The following TNRC6B variants were observed in gnomAD, a reference collection of about 807,000 sequenced individuals.
TNRC6B encodes trinucleotide repeat containing adaptor 6B, also known as trinucleotide repeat-containing gene 6B protein.
In TNRC6B, 52 loss-of-function variants were observed where a neutral mutation model predicts 203.6. The observed-to-expected ratio is 0.26, with a 90% CI of 0.20 to 0.32. The LOEUF (loss-of-function observed/expected upper bound fraction) is 0.32, where lower values mean the gene tolerates loss of function less well. Among genes scored for constraint, TNRC6B ranks in the 10% least tolerant of loss-of-function variants. The probability of loss-of-function intolerance (pLI) is 1.00; values close to 1 mark genes in which losing one functional copy is unlikely to be tolerated. For missense variants in TNRC6B, 1,923 were observed against 2,286.2 expected (o/e 0.84, Z 3.24); for synonymous variants, 838 against 845.7 (o/e 0.99, Z 0.16).
rs116624344 is a variant in TNRC6B at position 40,101,856 on chromosome 22, C to T, written c.-120-15199C>T. The stretch of plus-strand genomic sequence containing the variant: ...AATAAAATACAGCTGACAATTGACA[C>T]CCAACCGGTGTCGCTTCTCTGGTTT... On this transcript the variant is annotated intron_variant, in intron 1 of 23. Coordinates refer to the TNRC6B transcript ENST00000301923. 5.1e-3 allele frequency among the ~76,000 whole-genome samples: 775 copies of T among 152,274 alleles called. 7 individuals carry two copies. Among genetic ancestry groups the T allele is most frequent in the Middle Eastern group, 0.024 (7 of 294 alleles).
chr22:40,194,250 C>T (rs2069309120), intron 1 of TNRC6B, among the ~76,000 whole-genome samples: 1 of 152,134 alleles, frequency 6.6e-6, no homozygotes, highest in South Asian at 2.1e-4. Flanking sequence ...TGGGGTAAAC[C>T]CCGGGCAGAG....
intron 1 of TNRC6B, among the ~76,000 whole-genome samples, chr22:40,228,668 C>T (rs780747928): frequency 2.0e-5 from 3 of 151,010 alleles, no homozygotes; most frequent in East Asian, 4.0e-4. Flanking sequence ...TACAGGAGCC[C>T]GCCACCATGC....
chr22:40,157,922 C>T (rs185643688), intron 4 of TNRC6B, among the ~76,000 whole-genome samples: 1 of 152,308 alleles, frequency 6.6e-6, no homozygotes, highest in East Asian at 1.9e-4. Flanking sequence ...GCTTGAAATG[C>T]AATTTAGATT....
chr22:40,278,722 G>A (rs2070686079), intron 9 of TNRC6B, among the ~76,000 whole-genome samples: 1 of 152,036 alleles, frequency 6.6e-6, no homozygotes, highest in Non-Finnish European at 1.5e-5. Flanking sequence ...GATATATACT[G>A]GCATTATGAT....
chr22:40,266,762 C>G lies in TNRC6B; in HGVS notation c.2532C>G (p.Pro844=), dbSNP rs1199779366. The G allele has an allele frequency of 6.2e-7, 1 of 1,613,550 alleles. No individual in the cohort carries two copies. The highest frequency in any genetic ancestry group is 1.7e-5 in the Admixed American group (1 of 59,958). ...PEASGSWGGP[P]PPPPGNVRPS... is the part of the protein sequence containing the mutation. ...CTTCTGGTTCGTGGGGAGGCCCACCCCCACCACCTCCAGGCAACGTTCGAC... is the reference window on the plus strand; with the variant it reads ...CTTCTGGTTCGTGGGGAGGCCCACCGCCACCACCTCCAGGCAACGTTCGAC... The change falls in exon 5 of 23, where the codon CCC becomes CCG. Residue 844 remains proline (P), a synonymous_variant. Coordinates refer to ENST00000454349, the MANE Select transcript of TNRC6B (RefSeq NM_001162501.2).
chr22:40,111,217 C>T (rs1220601773), intron 1 of TNRC6B, among the ~76,000 whole-genome samples: 2 of 152,190 alleles, frequency 1.3e-5, no homozygotes, highest in African/African-American at 4.8e-5. Context: ...TTCAACGGCA[C>T]GCGAAACCAC....
intron 22 of TNRC6B, chr22:40,321,544 T>A (rs2071334281): frequency 4.1e-6 from 1 of 241,644 alleles, no homozygotes; most frequent in Non-Finnish European, 8.3e-6. Flanking sequence ...TCCCAGCACT[T>A]TGGGAGGCCA....
At chr22:40,115,575 A>C (rs566660377) in intron 1 of TNRC6B, among the ~76,000 whole-genome samples, 3 of 152,248 alleles carry the variant, frequency 2.0e-5, no homozygotes, top group Non-Finnish European at 4.4e-5. Flanking sequence ...ACCAAATTCA[A>C]AGGTGTGTCA....
At chr22:40,172,804 T>C (rs1406569520) in intron 4 of TNRC6B, among the ~76,000 whole-genome samples, 1 of 152,228 alleles carries the variant, frequency 6.6e-6, no homozygotes, top group Admixed American at 6.5e-5. Flanking sequence ...GGCTTGCTGT[T>C]GTCTTAGTGG....
intron 3 of TNRC6B, among the ~76,000 whole-genome samples, chr22:40,141,760 TTTTTG>T (rs1254026621): frequency 1.1e-5 from 1 of 92,000 alleles, no homozygotes; most frequent in East Asian, 3.6e-4. Flanking sequence ...TTTTTCTTGT[TTTTTG>T]TTTTTGTTTT....
intron 1 of TNRC6B, among the ~76,000 whole-genome samples, chr22:40,212,730 G>T (rs1440891864): frequency 6.6e-6 from 1 of 151,970 alleles, no homozygotes; most frequent in Non-Finnish European, 1.5e-5. Flanking sequence ...GAGTGCAGTG[G>T]TGTGATCTCC....
At chr22:40,058,328 A>G (rs2067818289) in intron 1 of TNRC6B, among the ~76,000 whole-genome samples, 1 of 152,250 alleles carries the variant, frequency 6.6e-6, no homozygotes, top group African/African-American at 2.4e-5. Context: ...TCACATTTCA[A>G]GCCAGTAAGG....
Position 40,270,232 on chromosome 22 carries a change from A to G in TNRC6B, c.2917A>G (p.Thr973Ala). The change falls in exon 6 of 23, where the codon ACA (threonine) becomes GCA (alanine). Residue 973 changes from threonine to alanine, a missense_variant. By Grantham distance (58) the Thr-to-Ala change is moderately conservative. Around this residue, in one of 8 missense-constraint regions of TNRC6B, gnomAD observed 599 missense variants for 656.5 expected, o/e 0.91. Transcript: ENST00000454349. ...GEMDDTGAST[T>A]GWGNTPANAP... ...GATGGATGATACAGGAGCATCGACC[A>G]CAGGCTGGGGGAACACGCCCGCCAA... 1 of 1,521,896 alleles carries G rather than the reference A, an allele frequency of 6.6e-7. No homozygotes were observed. Among genetic ancestry groups the G allele is most frequent in the South Asian group, 1.2e-5 (1 of 81,294 alleles). 94.3% of individuals were successfully genotyped at this position (1,521,896 alleles called of 1,614,324 possible). A position where few individuals can be genotyped will look rare whatever the true frequency, so the allele number is the denominator to read the frequency against.
chr22:40,078,121 A>G (rs2068034360), intron 1 of TNRC6B, among the ~76,000 whole-genome samples: 1 of 152,258 alleles, frequency 6.6e-6, no homozygotes. Context: ...CACATTGTCA[A>G]GCTGAAGGTA....
At chr22:40,045,389 G>T (rs1483006563) in intron 1 of TNRC6B, 2 of 150,602 alleles carry the variant, frequency 1.3e-5, no homozygotes, top group East Asian at 2.0e-4. Flanking sequence ...GCAGGTGTGA[G>T]CTGGGGGAGG....
At chr22:40,228,710 G>A (rs935665170) in intron 1 of TNRC6B, among the ~76,000 whole-genome samples, 1 of 151,272 alleles carries the variant, frequency 6.6e-6, no homozygotes, top group Non-Finnish European at 1.5e-5. Context: ...TTTTTTAGTA[G>A]GGACGGCGTT....
At chr22:40,090,670 C>T (rs1407691176) in intron 1 of TNRC6B, among the ~76,000 whole-genome samples, 1 of 152,058 alleles carries the variant, frequency 6.6e-6, no homozygotes, top group Non-Finnish European at 1.5e-5. Flanking sequence ...TTTTGAATTA[C>T]AAGTTGTGGT....
At chr22:40,297,549 C>T (rs1200368784) in intron 12 of TNRC6B, among the ~76,000 whole-genome samples, 1 of 152,212 alleles carries the variant, frequency 6.6e-6, no homozygotes, top group Non-Finnish European at 1.5e-5. Flanking sequence ...AAAGGCCAGG[C>T]ACGGTGGCTC....
At chr22:40,247,981 A>G (rs2070132133) in intron 2 of TNRC6B, among the ~76,000 whole-genome samples, 2 of 151,990 alleles carry the variant, frequency 1.3e-5, no homozygotes, top group South Asian at 2.1e-4. Context: ...AAGCTGAGGT[A>G]GCAGGATCAC....
Sources: gnomAD v4.1 joint callset for allele counts (sites outside exome capture counted in the v4.1 genomes callset) on GRCh38, gnomAD v4.1.1 for gene constraint, gnomAD v4.1.1 regional missense constraint, MANE v1.5 for transcripts, NCBI Gene and HGNC (gene_info 2026-07-23, HGNC 2026-07-21) for gene names.